The following KIAA0825 variants were observed in gnomAD, a reference collection of about 807,000 sequenced individuals.
The protein encoded by KIAA0825 is KIAA0825, also known as uncharacterized protein KIAA0825.
A neutral mutation model predicts 147.6 loss-of-function variants in KIAA0825; 119 were observed. That is an observed-to-expected ratio of 0.81 (90% confidence interval 0.69 to 0.94). The LOEUF (loss-of-function observed/expected upper bound fraction) is 0.94. KIAA0825 is among the 40% of genes least tolerant of loss of function. The pLI is 0.00. For synonymous variants in KIAA0825, 470 were observed against 518.1 expected (o/e 0.91, Z 1.26); for missense variants, 1,381 against 1,472.7 (o/e 0.94, Z 1.02).
chr5:94,292,994 TTCTC>T, intron 20 of KIAA0825, among the ~76,000 whole-genome samples: 1 of 152,298 alleles, frequency 6.6e-6, no homozygotes, highest in African/African-American at 2.4e-5. Context: ...TTTTTGATTC[TTCTC>T]TCTTTTTTTC....
chr5:94,376,912 T>A (rs1747665449), intron 20 of KIAA0825, among the ~76,000 whole-genome samples: 1 of 152,128 alleles, frequency 6.6e-6, no homozygotes, highest in South Asian at 2.1e-4. Context: ...GCACCAGGAA[T>A]TTACTGCTGT....
At position 94,397,615 on chromosome 5, in the gene KIAA0825, G is replaced by A. The variant is rs560622474; in HGVS notation, c.2888-1106C>T. ...ATCAGGGTTTCTCAACTTTGGGTTG[G>A]ATGATCCTTTGTTGTGAGGAGCTCT... On this transcript the variant is annotated intron_variant, in intron 16 of 20. Coordinates refer to ENST00000682413, the MANE Select transcript of KIAA0825 (RefSeq NM_001145678.3). Among the ~76,000 whole-genome samples, 35 of 152,172 alleles carry A rather than the reference G, an allele frequency of 2.3e-4. 1 individual carries two copies. Among genetic ancestry groups the A allele is most frequent in the African/African-American group, 8.2e-4 (34 of 41,524 alleles).
At chr5:94,375,791 A>C (rs543973942) in intron 20 of KIAA0825, among the ~76,000 whole-genome samples, 2 of 152,316 alleles carry the variant, frequency 1.3e-5, no homozygotes, top group African/African-American at 4.8e-5. Flanking sequence ...AAAATTCAAA[A>C]TGGATTAAAA....
In KIAA0825 at chr5:94,519,797, G is replaced by C. The variant is rs575708424; in HGVS notation, c.970+451C>G. On this transcript the variant is annotated intron_variant, in intron 5 of 20. Coordinates refer to ENST00000682413, the MANE Select transcript of KIAA0825 (RefSeq NM_001145678.3). Reference sequence around the variant, plus strand: ...ATGCTTTAGCTTTGGAAGATACAATGGATTAAAAATCATACTTTTCTGTTA... The same window carrying C: ...ATGCTTTAGCTTTGGAAGATACAATCGATTAAAAATCATACTTTTCTGTTA... 7 of 811,348 alleles carry C rather than the reference G, an allele frequency of 8.6e-6. No homozygotes were observed. In the African/African-American group the frequency reaches 1.3e-4, roughly 15 times the overall value. 50.3% of individuals were successfully genotyped at this position (811,348 alleles called of 1,614,324 possible).
Position 94,152,459 on chromosome 5 carries a change from G to T in KIAA0825, c.*1548C>A, listed in dbSNP as rs1190895817. The stretch of plus-strand genomic sequence containing the variant: ...TTCCAGGGCTTTGAGAGACAGAGAG[G>T]GGAAGATCACTTGAGGTAGGGAGTT... On this transcript the variant is annotated 3_prime_UTR_variant, in exon 21 of 21. Coordinates refer to ENST00000682413, the MANE Select transcript of KIAA0825 (RefSeq NM_001145678.3). 6.6e-6 allele frequency among the ~76,000 whole-genome samples: 1 copy of T among 151,994 alleles called. No individual in the cohort carries two copies. The highest frequency in any genetic ancestry group is 2.4e-5 in the African/African-American group (1 of 41,374).
chr5:94,521,509 T>A (rs1768196205), intron 4 of KIAA0825, among the ~76,000 whole-genome samples: 1 of 151,776 alleles, frequency 6.6e-6, no homozygotes, highest in Non-Finnish European at 1.5e-5. Flanking sequence ...TTTAAATTCC[T>A]TTTTGAGAAC....
intron 20 of KIAA0825, among the ~76,000 whole-genome samples, chr5:94,259,575 T>G (rs1776398129): frequency 6.6e-6 from 1 of 152,048 alleles, no homozygotes; most frequent in Admixed American, 6.6e-5. Context: ...ATTAGTAAAC[T>G]GGAGACTCAA....
intron 3 of KIAA0825, among the ~76,000 whole-genome samples, chr5:94,530,885 A>G (rs1770662091): frequency 6.6e-6 from 1 of 152,230 alleles, no homozygotes; most frequent in South Asian, 2.1e-4. Flanking sequence ...GGGAAATAGT[A>G]GTCCAACTAC....
chr5:94,378,803 G>C lies in KIAA0825; in HGVS notation c.3710+5565C>G, dbSNP rs1747956606. On this transcript the variant is annotated intron_variant, in intron 20 of 20. Transcript: ENST00000682413. The stretch of plus-strand genomic sequence containing the variant: ...CTTTTTATTAGTAGCCATTCTGACT[G>C]GTGTGAGATGCTATCTCATTGTGGC... 2.0e-5 allele frequency among the ~76,000 whole-genome samples: 3 copies of C among 152,258 alleles called. No homozygotes were observed. The South Asian group carries it at 6.2e-4, about 32-fold the overall frequency.
intron 1 of KIAA0825, among the ~76,000 whole-genome samples, chr5:94,609,259 C>G (rs1394673284): frequency 6.6e-6 from 1 of 152,168 alleles, no homozygotes. Flanking sequence ...AGGAGCAGAT[C>G]TGAAATTCAG....
chr5:94,259,967 T>C (rs1776417645), intron 20 of KIAA0825, among the ~76,000 whole-genome samples: 1 of 152,092 alleles, frequency 6.6e-6, no homozygotes, highest in Non-Finnish European at 1.5e-5. Flanking sequence ...GGAAGTTCAA[T>C]ATAAAGTATT....
intron 20 of KIAA0825, among the ~76,000 whole-genome samples, chr5:94,278,305 T>G (rs1212658033): frequency 1.3e-5 from 2 of 152,038 alleles, no homozygotes; most frequent in Non-Finnish European, 2.9e-5. Flanking sequence ...TTAGAAAAAA[T>G]AAATTGCCTC....
At chr5:94,537,647 CAA>C (rs1162517096) in intron 2 of KIAA0825, among the ~76,000 whole-genome samples, 5 of 68,012 alleles carry the variant, frequency 7.4e-5, no homozygotes, top group Admixed American at 1.6e-4. Context: ...GACTCTGTCT[CAA>C]AAAAAAAAAA....
intron 3 of KIAA0825, among the ~76,000 whole-genome samples, chr5:94,527,853 A>C (rs1391680451): frequency 6.6e-6 from 1 of 152,048 alleles, no homozygotes; most frequent in Non-Finnish European, 1.5e-5. Flanking sequence ...TCAGGTAATT[A>C]ATAGGGAAGA....
intron 10 of KIAA0825, among the ~76,000 whole-genome samples, chr5:94,466,754 A>T (rs1313069939): frequency 6.9e-6 from 1 of 143,962 alleles, no homozygotes; most frequent in African/African-American, 2.5e-5. Context: ...AAAAAAAAAA[A>T]AAAAAAAGAT....
chr5:94,394,595 C>T (rs13360779), intron 17 of KIAA0825, among the ~76,000 whole-genome samples: 3,565 of 152,186 alleles, frequency 0.023, 155 homozygotes, highest in African/African-American at 0.082. Flanking sequence ...ATTACCTAGA[C>T]ATTGCTTTAA....
chr5:94,340,685 A>G lies in KIAA0825; in HGVS notation c.3710+43683T>C, dbSNP rs535513344. On this transcript the variant is annotated intron_variant, in intron 20 of 20. Transcript: ENST00000682413. The stretch of plus-strand genomic sequence containing the variant: ...CATTATGTGAAAAAGCTCATGATAC[A>G]TATGTTACATGATACATATGTTAGC... Among the ~76,000 whole-genome samples the G allele has an allele frequency of 2.1e-3, 211 of 99,330 alleles. 1 individual carries two copies. Among genetic ancestry groups the G allele is most frequent in the Non-Finnish European group, 4.6e-3 (177 of 38,164 alleles). The allele number at this position is 99,330 out of a possible 152,430, so 65.2% of individuals were successfully genotyped here.
chr5:94,488,225 A>T (rs1314721016), intron 5 of KIAA0825, among the ~76,000 whole-genome samples: 1 of 152,198 alleles, frequency 6.6e-6, no homozygotes, highest in African/African-American at 2.4e-5. Flanking sequence ...TCAATCCAGG[A>T]GTTCTTCTTC....
chr5:94,184,752 G>T (rs987765261), intron 20 of KIAA0825, among the ~76,000 whole-genome samples: 2 of 152,000 alleles, frequency 1.3e-5, no homozygotes, highest in African/African-American at 4.8e-5. Flanking sequence ...AAATATTAGG[G>T]TTTAAATGCA....
Sources: gnomAD v4.1 joint callset for allele counts (sites outside exome capture counted in the v4.1 genomes callset) on GRCh38, gnomAD v4.1.1 for gene constraint, MANE v1.5 for transcripts, NCBI Gene and HGNC (gene_info 2026-07-23, HGNC 2026-07-21) for gene names.